The following SAXO1 variants were observed in gnomAD, a reference collection of about 807,000 sequenced individuals.
The protein encoded by SAXO1 is stabilizer of axonemal microtubules 1.
SAXO1 carries 21 observed loss-of-function variants against 17.5 expected under a neutral mutation model. The ratio of observed to expected loss-of-function variants is 1.20; its 90% CI spans 0.85 to 1.72. The LOEUF is 1.72. SAXO1 is among the 40% of genes most tolerant of loss of function. The pLI is 0.00. For missense variants in SAXO1, 843 were observed against 596.0 expected (o/e 1.41, Z -4.32); for synonymous variants, 274 against 216.5 (o/e 1.27, Z -2.33).
At chr9:19,043,611 AC>A (rs1262866727) in intron 1 of SAXO1, among the ~76,000 whole-genome samples, 1 of 151,988 alleles carries the variant, frequency 6.6e-6, no homozygotes, top group Non-Finnish European at 1.5e-5. Context: ...TACAAAAAAT[AC>A]AAAAATTAGC....
At chr9:19,022,701 G>A (rs1287155321) in intron 1 of SAXO1, among the ~76,000 whole-genome samples, 3 of 152,134 alleles carry the variant, frequency 2.0e-5, no homozygotes, top group Non-Finnish European at 4.4e-5. Flanking sequence ...ACCCCAATTT[G>A]TTAACATTAG....
At chr9:18,964,991 T>C (rs1238787631) in intron 1 of SAXO1, among the ~76,000 whole-genome samples, 1 of 152,240 alleles carries the variant, frequency 6.6e-6, no homozygotes. Context: ...ATTTATTTAT[T>C]TCTGCCTTAA....
Position 18,927,923 on chromosome 9 carries a change from T to C in SAXO1, c.*129A>G. ...TGATTCTCATTTTATTCAAGTGCTC[T>C]GGAAGTGGTGAAGGTTTTTTGTTTT... On this transcript the variant is annotated 3_prime_UTR_variant, in exon 4 of 4. Transcript: ENST00000380534. 1.0e-6 allele frequency: 1 copy of C among 1,003,382 alleles called. No individual in the cohort carries two copies. Among genetic ancestry groups the C allele is most frequent in the East Asian group, 2.4e-5 (1 of 40,830 alleles). 62.2% of individuals were successfully genotyped at this position (1,003,382 alleles called of 1,614,324 possible). A position where few individuals can be genotyped will look rare whatever the true frequency, so the allele number is the denominator to read the frequency against.
intron 1 of SAXO1, among the ~76,000 whole-genome samples, chr9:19,004,137 T>C (rs1248837930): frequency 6.6e-6 from 1 of 152,180 alleles, no homozygotes; most frequent in Non-Finnish European, 1.5e-5. Context: ...GAAAAAATGC[T>C]CATCATCACT....
intron 1 of SAXO1, among the ~76,000 whole-genome samples, chr9:18,991,337 C>T (rs1833802744): frequency 6.6e-6 from 1 of 152,148 alleles, no homozygotes; most frequent in Non-Finnish European, 1.5e-5. Context: ...CAATGACAGA[C>T]TGGATTAAGA....
At chr9:18,962,007 G>T (rs1400882548) in intron 1 of SAXO1, among the ~76,000 whole-genome samples, 1 of 152,110 alleles carries the variant, frequency 6.6e-6, no homozygotes, top group Admixed American at 6.5e-5. Context: ...TGACTTTTTA[G>T]TGATCACCAT....
At chr9:18,994,503 G>A (rs1245919765) in intron 1 of SAXO1, among the ~76,000 whole-genome samples, 1 of 152,142 alleles carries the variant, frequency 6.6e-6, no homozygotes, top group African/African-American at 2.4e-5. Flanking sequence ...CAGTCACGCT[G>A]CATCTCTCCA....
At chr9:19,016,986 A>G (rs1196268492) in intron 1 of SAXO1, among the ~76,000 whole-genome samples, 1 of 151,920 alleles carries the variant, frequency 6.6e-6, no homozygotes, top group Non-Finnish European at 1.5e-5. Context: ...AGGCCTGGTC[A>G]ATCAGAAGCT....
At chr9:18,932,930 T>C (rs1453790037) in intron 3 of SAXO1, among the ~76,000 whole-genome samples, 1 of 152,228 alleles carries the variant, frequency 6.6e-6, no homozygotes, top group Non-Finnish European at 1.5e-5. Flanking sequence ...TTGGATTCCT[T>C]GGTGTTATCT....
chr9:18,988,486 TAAGCTATATGCACA>T (rs1051051821), intron 1 of SAXO1, among the ~76,000 whole-genome samples: 8 of 152,238 alleles, frequency 5.3e-5, no homozygotes, highest in African/African-American at 1.9e-4. Flanking sequence ...TGTATTATGT[TAAGCTATATGCACA>T]AGGCTAATAA....
chr9:19,042,665 C>G (rs1428741864), intron 1 of SAXO1, among the ~76,000 whole-genome samples: 5 of 151,948 alleles, frequency 3.3e-5, no homozygotes. Flanking sequence ...GAATTCAAAA[C>G]CAGCCCGACC....
chr9:18,980,483 C>A (rs545154907), intron 1 of SAXO1, among the ~76,000 whole-genome samples: 1 of 123,920 alleles, frequency 8.1e-6, no homozygotes, highest in South Asian at 2.7e-4. Context: ...AAGGCCTTGC[C>A]AAAAGGAGAA....
At chr9:19,008,950 G>A (rs1346256972) in intron 1 of SAXO1, among the ~76,000 whole-genome samples, 2 of 152,148 alleles carry the variant, frequency 1.3e-5, no homozygotes, top group African/African-American at 4.8e-5. Flanking sequence ...TCACCAAATT[G>A]AAAGCAATTG....
chr9:18,963,016 T>C (rs566333572), intron 1 of SAXO1, among the ~76,000 whole-genome samples: 1 of 152,224 alleles, frequency 6.6e-6, no homozygotes, highest in Non-Finnish European at 1.5e-5. Context: ...TTTCTGCATA[T>C]GGCTAGCCAG....
intron 1 of SAXO1, among the ~76,000 whole-genome samples, chr9:18,983,843 A>C (rs1833490290): frequency 6.6e-6 from 1 of 152,224 alleles, no homozygotes; most frequent in Non-Finnish European, 1.5e-5. Flanking sequence ...TCCTTTCCAG[A>C]AGGCCAATAC....
chr9:18,969,925 C>G (rs951099954), intron 1 of SAXO1, among the ~76,000 whole-genome samples: 1 of 152,228 alleles, frequency 6.6e-6, no homozygotes, highest in African/African-American at 2.4e-5. Flanking sequence ...GGGCTAATGC[C>G]TCTTTTGCTG....
intron 1 of SAXO1, among the ~76,000 whole-genome samples, chr9:18,974,216 ACTT>A (rs1488911176): frequency 3.3e-5 from 5 of 152,228 alleles, no homozygotes; most frequent in African/African-American, 1.2e-4. Flanking sequence ...CTCAAAATCT[ACTT>A]CTAAACATGG....
At chr9:18,951,317 A>C (rs931440635) in intron 1 of SAXO1, among the ~76,000 whole-genome samples, 9 of 152,162 alleles carry the variant, frequency 5.9e-5, no homozygotes, top group African/African-American at 2.2e-4. Flanking sequence ...CCAGGAATTC[A>C]GGGCTTACTA....
At chr9:19,043,116 G>A (rs1392993493) in intron 1 of SAXO1, among the ~76,000 whole-genome samples, 1 of 151,886 alleles carries the variant, frequency 6.6e-6, no homozygotes, top group Non-Finnish European at 1.5e-5. Context: ...AGGTTGCAGT[G>A]AACCAAGACT....
Sources: gnomAD v4.1 joint callset for allele counts (sites outside exome capture counted in the v4.1 genomes callset) on GRCh38, gnomAD v4.1.1 for gene constraint, MANE v1.5 for transcripts, NCBI Gene and HGNC (gene_info 2026-07-23, HGNC 2026-07-21) for gene names.